POM121: variants seen among roughly 807,000 people sequenced by gnomAD.
POM121 encodes POM121 transmembrane nucleoporin.
Under a neutral mutation model 81.3 loss-of-function variants are expected in POM121, and 32 were observed. The ratio of observed to expected loss-of-function variants is 0.39; its 90% CI spans 0.30 to 0.53. The LOEUF is 0.53. Among genes scored for constraint, POM121 ranks in the 20% least tolerant of loss-of-function variants. The pLI, the probability that POM121 is intolerant of heterozygous loss-of-function variation, is 0.66. For synonymous variants in POM121, 514 were observed against 694.2 expected (o/e 0.74, Z 4.08); for missense variants, 1,138 against 1,614.6 (o/e 0.70, Z 5.06).
chr7:72,925,402 C>A lies in POM121; in HGVS notation c.281C>A (p.Ser94Tyr), dbSNP rs1554497008. ...RKARHRRPLS[S>Y]FVRKARHRRT... Reference sequence around the variant, plus strand: ...GCGCGTCATCGGCGCCCCTTGTCCTCCTTCGTTCGGAAGGCGCGTCATCGG... The same window carrying A: ...GCGCGTCATCGGCGCCCCTTGTCCTACTTCGTTCGGAAGGCGCGTCATCGG... Residue 94 changes from serine (S) to tyrosine (Y), a missense_variant, in exon 1 of 13, where the codon TCC becomes TAC. Ser to Tyr is a moderately radical substitution (Grantham distance 144, BLOSUM62 -2). Coordinates refer to ENST00000434423, the MANE Select transcript of POM121 (RefSeq NM_001387691.1). The A allele has an allele frequency of 6.5e-7, 1 of 1,533,862 alleles. No individual in the cohort carries two copies. Among genetic ancestry groups the A allele is most frequent in the South Asian group, 1.2e-5 (1 of 83,976 alleles).
chr7:72,911,963 C>T (rs1353994404), intron 3 of POM121, among the ~76,000 whole-genome samples: 3 of 152,218 alleles, frequency 2.0e-5, no homozygotes, highest in Non-Finnish European at 2.9e-5. Context: ...GCGATCATAC[C>T]TCACTGCAGC....
chr7:72,922,870 C>T (rs1317942761), upstream of POM121, among the ~76,000 whole-genome samples: 51 of 152,210 alleles, frequency 3.4e-4, no homozygotes, highest in Admixed American at 5.2e-4. Context: ...TGTACCCTGA[C>T]GGCTTTTATG....
intron 4 of POM121, among the ~76,000 whole-genome samples, chr7:72,919,098 G>T (rs782312642): frequency 2.0e-5 from 3 of 151,546 alleles, no homozygotes; most frequent in African/African-American, 7.3e-5. Flanking sequence ...TAGAGGTGGG[G>T]TTTCACCATG....
intron 11 of POM121, 137 bp downstream of exon 11, chr7:72,943,659 A>T: frequency 1.7e-5 from 25 of 1,431,780 alleles, no homozygotes; most frequent in Non-Finnish European, 2.3e-5. Context: ...GATGCCAGGG[A>T]ACGATACATG....
chr7:72,879,707 C>T (rs1259544972), exon 1 of POM121: 4 of 445,556 alleles, frequency 9.0e-6, no homozygotes, highest in East Asian at 6.9e-5. Flanking sequence ...CGGATCTGGG[C>T]CCCGAGAAGG....
At position 72,945,503 on chromosome 7, in the gene POM121, C is replaced by T. The variant is rs1554502922; in HGVS notation, c.3530-83C>T. 2.6e-6 allele frequency: 4 copies of T among 1,560,290 alleles called. No individual in the cohort carries two copies. In the African/African-American group the frequency reaches 4.1e-5, roughly 16 times the overall value. ...GGCTGAGGGTCCCGTGGGAAGTGCC[C>T]TGCGGAGCACAGGCTCCTGCCCGGC... On this transcript the variant is annotated intron_variant, in intron 11 of 12. Transcript: ENST00000434423.
At chr7:72,945,556 C>A in intron 11 of POM121, 30 bp from the exon 12 acceptor site, 1 of 1,612,910 alleles carries the variant, frequency 6.2e-7, no homozygotes. Flanking sequence ...CCTCTGCTCA[C>A]TGGCCAGCTC....
At chr7:72,907,786 C>G (rs1160078000) in intron 3 of POM121, among the ~76,000 whole-genome samples, 6 of 152,216 alleles carry the variant, frequency 3.9e-5, no homozygotes, top group African/African-American at 1.4e-4. Context: ...GCTGATATTA[C>G]AGGCGTGAGC....
chr7:72,925,351 G>C lies in POM121; in HGVS notation c.230G>C (p.Arg77Pro). ...CTGAGCCGCGAGCCCCGAGGTTCGC[G>C]CCCCTTGTCCTCCTTCGTTCGGAAG... ...WGLSREPRGS[R>P]PLSSFVRKAR... The change falls in exon 1 of 13, where the codon CGC becomes CCC. Residue 77 changes from arginine (R) to proline (P), a missense_variant. Arg to Pro is a moderately radical substitution (Grantham distance 103). This residue lies in a region of POM121 where 646 missense variants were observed against 633.5 expected (regional missense o/e 1.02). Transcript: ENST00000434423. 2 of 1,523,084 alleles carry C rather than the reference G, an allele frequency of 1.3e-6. No homozygotes were observed. The highest frequency in any genetic ancestry group is 1.8e-6 in the Non-Finnish European group (2 of 1,137,074). 94.3% of individuals were successfully genotyped at this position (1,523,084 alleles called of 1,614,324 possible). A position where few individuals can be genotyped will look rare whatever the true frequency, so the allele number is the denominator to read the frequency against.
In POM121 at chr7:72,901,840, C is replaced by T. The variant is rs1251180596; in HGVS notation, c.-216+10730C>T. On this transcript the variant is annotated intron_variant, in intron 3 of 15. Transcript: ENST00000395270. ...TAAAGCATACAATTCAGGCTGGGCACGGTGGCTCACATCTATAATCCCAGC... is the reference window on the plus strand; with the variant it reads ...TAAAGCATACAATTCAGGCTGGGCATGGTGGCTCACATCTATAATCCCAGC... Among the ~76,000 whole-genome samples, 8 of 150,980 alleles carry T rather than the reference C, an allele frequency of 5.3e-5. No individual in the cohort carries two copies. The East Asian group carries it at 6.1e-4, about 11-fold the overall frequency.
At chr7:72,910,087 C>T (rs1793657067) in intron 3 of POM121, among the ~76,000 whole-genome samples, 1 of 152,152 alleles carries the variant, frequency 6.6e-6, no homozygotes, top group South Asian at 2.1e-4. Flanking sequence ...AACCCATTTC[C>T]CATTTAGGAA....
At chr7:72,895,341 C>T (rs1791835346) in intron 3 of POM121, among the ~76,000 whole-genome samples, 1 of 152,224 alleles carries the variant, frequency 6.6e-6, no homozygotes. Context: ...CAGCCTTTCA[C>T]CTCCTGTGCG....
chr7:72,908,483 T>C (rs186650052), intron 3 of POM121, among the ~76,000 whole-genome samples: 42 of 152,312 alleles, frequency 2.8e-4, no homozygotes, highest in African/African-American at 8.9e-4. Context: ...AAATTGCTAA[T>C]GAAGTTTTGG....
intron 10 of POM121, 30 bp from the exon 11 acceptor site, chr7:72,941,807 C>T (rs1386262418): frequency 1.3e-6 from 2 of 1,529,342 alleles, no homozygotes; most frequent in African/African-American, 2.8e-5. Flanking sequence ...AGTGTTTATT[C>T]CAATTTCACA....
In POM121 at chr7:72,883,294, C is replaced by T. The variant is rs191839219; in HGVS notation, c.-521+3409C>T. Among the ~76,000 whole-genome samples the T allele has an allele frequency of 4.5e-3, 683 of 152,284 alleles. 6 individuals are homozygous for T. The highest frequency in any genetic ancestry group is 0.015 in the African/African-American group (624 of 41,550). On this transcript the variant is annotated intron_variant, in intron 1 of 15. Transcript: ENST00000395270. ...CAGGCAGTCTGCCCGCCTCGGCGTC[C>T]CAAAGTGCTAGGATTACAGGCGTGA...
chr7:72,917,618 C>T (rs1794405255), intron 4 of POM121, among the ~76,000 whole-genome samples: 1 of 152,202 alleles, frequency 6.6e-6, no homozygotes. Flanking sequence ...GTGGTTTCAA[C>T]AGCTGGAAGT....
At chr7:72,918,876 C>T (rs1794536017) in intron 4 of POM121, among the ~76,000 whole-genome samples, 1 of 152,064 alleles carries the variant, frequency 6.6e-6, no homozygotes, top group Non-Finnish European at 1.5e-5. Context: ...CGGCTCACTG[C>T]AACCTCCACC....
At chr7:72,899,639 C>T (rs1221285779) in intron 3 of POM121, among the ~76,000 whole-genome samples, 6 of 146,730 alleles carry the variant, frequency 4.1e-5, no homozygotes, top group South Asian at 2.2e-4. Flanking sequence ...AGTGCAGTGG[C>T]GCACTCTCGG....
chr7:72,921,012 C>T (rs1794771433), upstream of POM121, among the ~76,000 whole-genome samples: 1 of 152,038 alleles, frequency 6.6e-6, no homozygotes, highest in Admixed American at 6.6e-5. Context: ...GAAACCCAGT[C>T]TCTACTAAAA....
Sources: allele counts gnomAD v4.1 joint callset (sites outside exome capture counted in the v4.1 genomes callset), GRCh38; gene constraint gnomAD v4.1.1; regional missense constraint gnomAD v4.1.1; transcripts MANE v1.5; gene names NCBI Gene and HGNC (gene_info 2026-07-23, HGNC 2026-07-21).